PDLIM5: variants seen among roughly 807,000 people sequenced by gnomAD.
PDLIM5 encodes the protein PDZ and LIM domain 5, also known as PDZ and LIM domain protein 5.
A neutral mutation model predicts 64.2 loss-of-function variants in PDLIM5; 34 were observed. That is an observed-to-expected ratio of 0.53 (90% confidence interval 0.40 to 0.71). PDLIM5 has a LOEUF of 0.71. Ranked by LOEUF, PDLIM5 falls within the 30% of genes least tolerant of loss-of-function variation. The pLI is 0.00. For synonymous variants in PDLIM5, 253 were observed against 269.1 expected, an observed-to-expected ratio of 0.94 and a Z score of 0.59; for missense variants, 683 against 733.6, an observed-to-expected ratio of 0.93 and a Z score of 0.80.
At position 94,664,313 on chromosome 4, in the gene PDLIM5, C is replaced by G; in HGVS notation, c.*246C>G. The G allele has an allele frequency of 1.3e-6, 1 of 795,426 alleles. No homozygotes were observed. The allele number at this position is 795,426 out of a possible 1,614,324, so 49.3% of individuals were successfully genotyped here. On this transcript the variant is annotated 3_prime_UTR_variant, in exon 13 of 13. Transcript: ENST00000317968. Reference sequence around the variant, plus strand: ...CCCATAAAATAAGCTTTATAAAAACCAATTTCCTGATGGACTATTAAATTC... The same window carrying G: ...CCCATAAAATAAGCTTTATAAAAACGAATTTCCTGATGGACTATTAAATTC...
At chr4:94,593,836 G>A (rs990975903) in intron 7 of PDLIM5, among the ~76,000 whole-genome samples, 5 of 152,148 alleles carry the variant, frequency 3.3e-5, no homozygotes. Flanking sequence ...CCAATTGGAA[G>A]CATTGTTGTC....
chr4:94,480,531 A>G (rs1422808538), intron 2 of PDLIM5, among the ~76,000 whole-genome samples: 1 of 152,214 alleles, frequency 6.6e-6, no homozygotes, highest in Non-Finnish European at 1.5e-5. Flanking sequence ...CCAGAGCCCA[A>G]CTGTGGGTCT....
At chr4:94,544,792 A>C (rs1428733845) in intron 3 of PDLIM5, among the ~76,000 whole-genome samples, 2 of 152,206 alleles carry the variant, frequency 1.3e-5, no homozygotes, top group East Asian at 3.9e-4. Context: ...AGTAGCTGGA[A>C]TTACAGGCAT....
chr4:94,567,111 G>T (rs1560708104), intron 3 of PDLIM5, among the ~76,000 whole-genome samples: 1 of 152,194 alleles, frequency 6.6e-6, no homozygotes, highest in African/African-American at 2.4e-5. Context: ...TCCTGCTTCA[G>T]CCTCCCGAGT....
At chr4:94,552,838 A>G (rs1380041706) in intron 3 of PDLIM5, among the ~76,000 whole-genome samples, 1 of 152,148 alleles carries the variant, frequency 6.6e-6, no homozygotes. Context: ...AAAAAAATGC[A>G]CATCAGGGTA....
At chr4:94,536,004 T>C (rs181992227) in intron 3 of PDLIM5, among the ~76,000 whole-genome samples, 1 of 152,276 alleles carries the variant, frequency 6.6e-6, no homozygotes, top group Admixed American at 6.5e-5. Flanking sequence ...TCTACATTTA[T>C]TTAAAAATCC....
At chr4:94,599,728 C>T (rs370126656) in intron 7 of PDLIM5, among the ~76,000 whole-genome samples, 29 of 152,096 alleles carry the variant, frequency 1.9e-4, no homozygotes, top group African/African-American at 6.3e-4. Flanking sequence ...GGAGCTAAAA[C>T]AGTGGGTGAG....
intron 2 of PDLIM5, among the ~76,000 whole-genome samples, chr4:94,465,093 A>G (rs1724232333): frequency 3.3e-5 from 5 of 152,120 alleles, no homozygotes; most frequent in South Asian, 2.1e-4. Context: ...CAAAATGCCA[A>G]TTTTGAACCC....
At chr4:94,485,776 G>A (rs1341725234) in intron 2 of PDLIM5, among the ~76,000 whole-genome samples, 1 of 147,982 alleles carries the variant, frequency 6.8e-6, no homozygotes, top group African/African-American at 2.5e-5. Flanking sequence ...CTTGAACCTG[G>A]AAGGCGGAAG....
intron 3 of PDLIM5, among the ~76,000 whole-genome samples, chr4:94,556,257 A>G (rs1733310473): frequency 6.6e-6 from 1 of 152,160 alleles, no homozygotes; most frequent in Non-Finnish European, 1.5e-5. Context: ...ATGACTGCAT[A>G]GTGTTCCATG....
At chr4:94,547,818 T>C (rs1732455630) in intron 3 of PDLIM5, among the ~76,000 whole-genome samples, 1 of 152,216 alleles carries the variant, frequency 6.6e-6, no homozygotes, top group African/African-American at 2.4e-5. Flanking sequence ...GTTGGTCTTG[T>C]AGTTTCCTAG....
At chr4:94,491,886 TTATC>T (rs1256046909) in intron 2 of PDLIM5, among the ~76,000 whole-genome samples, 1 of 152,052 alleles carries the variant, frequency 6.6e-6, no homozygotes, top group Non-Finnish European at 1.5e-5. Context: ...CCTCAATTAC[TTATC>T]TTTTTTTTGT....
intron 7 of PDLIM5, among the ~76,000 whole-genome samples, chr4:94,597,391 G>T (rs1737146634): frequency 6.6e-6 from 1 of 150,886 alleles, no homozygotes; most frequent in Non-Finnish European, 1.5e-5. Flanking sequence ...TTTACAAAAA[G>T]TACACCCACC....
chr4:94,483,828 A>G (rs193112003), intron 2 of PDLIM5, among the ~76,000 whole-genome samples: 8 of 152,302 alleles, frequency 5.3e-5, no homozygotes, highest in Admixed American at 2.6e-4. Context: ...CTTCACATTT[A>G]TGGAATCATG....
At chr4:94,532,193 A>G (rs1376035887) in intron 3 of PDLIM5, among the ~76,000 whole-genome samples, 1 of 152,198 alleles carries the variant, frequency 6.6e-6, no homozygotes, top group East Asian at 1.9e-4. Context: ...ACTTGAGATC[A>G]TCATTACAGC....
Position 94,657,524 on chromosome 4 carries a change from A to T in PDLIM5, c.1562A>T (p.Asp521Val), listed in dbSNP as rs1302041101. 3 of 1,611,280 alleles carry T rather than the reference A, an allele frequency of 1.9e-6. No homozygotes were observed. The South Asian group carries it at 3.3e-5, about 18-fold the overall frequency. Residue 521 changes from aspartate (D) to valine (V), a missense_variant, in exon 11 of 13, where the codon GAT (aspartate) becomes GTT (valine). Coordinates refer to ENST00000317968, the MANE Select transcript of PDLIM5 (RefSeq NM_006457.5). Reference sequence around the variant, plus strand: ...CGGAACAATGTTTTTCACTTGGAGGATGGTGAACCCTACTGTGAGACTGGT... The same window carrying T: ...CGGAACAATGTTTTTCACTTGGAGGTTGGTGAACCCTACTGTGAGACTGGT... ...PIRNNVFHLE[D>V]GEPYCETDYY...
intron 7 of PDLIM5, among the ~76,000 whole-genome samples, chr4:94,609,636 A>G (rs1049281550): frequency 2.6e-5 from 4 of 152,186 alleles, no homozygotes; most frequent in African/African-American, 7.2e-5. Flanking sequence ...ATCTCTTTTC[A>G]TGTTAATATA....
intron 3 of PDLIM5, among the ~76,000 whole-genome samples, chr4:94,559,469 A>G (rs1045327065): frequency 6.6e-6 from 1 of 152,236 alleles, no homozygotes; most frequent in East Asian, 1.9e-4. Context: ...ATCATGCTAC[A>G]TCTTGTTTTC....
intron 8 of PDLIM5, among the ~76,000 whole-genome samples, chr4:94,622,022 A>C (rs369858235): frequency 2.0e-4 from 30 of 152,302 alleles, no homozygotes; most frequent in African/African-American, 6.3e-4. Context: ...GCATTTATTC[A>C]GTTATTACGT....
Sources: allele counts gnomAD v4.1 joint callset (sites outside exome capture counted in the v4.1 genomes callset), GRCh38; gene constraint gnomAD v4.1.1; transcripts MANE v1.5; gene names NCBI Gene and HGNC (gene_info 2026-07-23, HGNC 2026-07-21).